The following HSPG2 variants were observed in gnomAD, a reference collection of about 807,000 sequenced individuals.
The protein encoded by HSPG2 is basement membrane-specific heparan sulfate proteoglycan core protein.
Under a neutral mutation model 526.6 loss-of-function variants are expected in HSPG2, and 278 were observed. That is an observed-to-expected ratio of 0.53 (90% CI 0.48 to 0.58). The LOEUF is 0.58. HSPG2 is among the 20% of genes least tolerant of loss of function. The pLI is 0.00. For missense variants in HSPG2, 5,354 were observed against 6,099.5 expected (o/e 0.88, Z 4.07); for synonymous variants, 2,465 against 2,555.4 (o/e 0.96, Z 1.07).
chr1:21,875,580 G>C (rs753733496), intron 25 of HSPG2, 49 bp downstream of exon 25: 1 of 1,416,742 alleles, frequency 7.1e-7, no homozygotes. Context: ...CGCTTAGATG[G>C]AGCCCCTCCC....
chr1:21,888,848 C>G, intron 6 of HSPG2: 1 of 485,970 alleles, frequency 2.1e-6, no homozygotes, highest in Non-Finnish European at 3.3e-6. Context: ...GGGCTGGACC[C>G]CCAGCAGTCT....
intron 1 of HSPG2, chr1:21,908,309 C>G: frequency 2.0e-6 from 2 of 979,466 alleles, no homozygotes; most frequent in Non-Finnish European, 3.3e-6. Context: ...ATCCAGTATG[C>G]TGCTAGCATT....
Position 21,890,764 on chromosome 1 carries a change from A to G in HSPG2, c.245-70T>C. The G allele has an allele frequency of 6.8e-6, 8 of 1,182,650 alleles. No individual in the cohort carries two copies. Among genetic ancestry groups the G allele is most frequent in the Middle Eastern group, 1.9e-4 (1 of 5,134 alleles). 73.3% of individuals were successfully genotyped at this position (1,182,650 alleles called of 1,614,324 possible). A position where few individuals can be genotyped will look rare whatever the true frequency, so the allele number is the denominator to read the frequency against. On this transcript the variant is annotated intron_variant, in intron 3 of 96. Transcript: ENST00000374695. The surrounding 1 kb of genome is among the most constrained non-coding windows in gnomAD (Gnocchi z 4.1). The stretch of plus-strand genomic sequence containing the variant: ...TCTAGTGGCCTTAGGCAGTTGGACC[A>G]TTCAGGCAGAGTTGGGGGGATGGCC...
chr1:21,931,081 A>G (rs1399702414), intron 1 of HSPG2, among the ~76,000 whole-genome samples: 1 of 152,168 alleles, frequency 6.6e-6, no homozygotes, highest in African/African-American at 2.4e-5. Context: ...GATGAGCATC[A>G]TGGAAGGGAA....
chr1:21,933,386 C>A (rs370857430), intron 1 of HSPG2, among the ~76,000 whole-genome samples: 3 of 152,064 alleles, frequency 2.0e-5, no homozygotes, highest in South Asian at 4.1e-4. Flanking sequence ...GCAGGAAACA[C>A]AGGTGAATGG....
At chr1:21,885,482 C>T (rs1262513883) in intron 9 of HSPG2, 31 bp from the exon 10 acceptor site, 1 of 1,612,872 alleles carries the variant, frequency 6.2e-7, no homozygotes, top group South Asian at 1.1e-5. Context: ...TTCCCAATAG[C>T]CCACCCCGTC....
rs2098028649 is a variant in HSPG2, at chr1:21,836,929, T to C, written c.10228A>G (p.Thr3410Ala). Reference sequence around the variant, plus strand: ...TCAACGCTGGCCCCAATGCTCTTGGTCTCTAGCTGAGGCGTGACCTGCACG... The same window carrying C: ...TCAACGCTGGCCCCAATGCTCTTGGCCTCTAGCTGAGGCGTGACCTGCACG... ...PTVQVTPQLE[T>A]KSIGASVEFH... is the part of the protein sequence containing the mutation. Residue 3410 changes from threonine to alanine, a missense_variant, in exon 75 of 97, where the codon ACC becomes GCC. Thr to Ala is a moderately conservative substitution (Grantham distance 58, BLOSUM62 0). Coordinates refer to ENST00000374695, the MANE Select transcript of HSPG2 (RefSeq NM_005529.7). The C allele has an allele frequency of 6.4e-7, 1 of 1,557,844 alleles. No individual in the cohort carries two copies. Among genetic ancestry groups the C allele is most frequent in the African/African-American group, 1.4e-5 (1 of 73,400 alleles).
intron 1 of HSPG2, among the ~76,000 whole-genome samples, chr1:21,935,641 C>T (rs1424064334): frequency 6.6e-6 from 1 of 152,228 alleles, no homozygotes; most frequent in Non-Finnish European, 1.5e-5. Flanking sequence ...GCAAACAACT[C>T]CACCCACCGC....
At position 21,876,287 on chromosome 1, in the gene HSPG2, T is replaced by G; in HGVS notation, c.2945A>C (p.His982Pro). 6.2e-7 allele frequency: 1 copy of G among 1,613,880 alleles called. No individual in the cohort carries two copies. The highest frequency in any genetic ancestry group is 8.5e-7 in the Non-Finnish European group (1 of 1,179,974). Reference sequence around the variant, plus strand: ...GAAGTAGGGTCCAGATAAGAGTCTGTGGAAGGAGGAGAATCCCAGTTCCCC... The same window carrying G: ...GAAGTAGGGTCCAGATAAGAGTCTGGGGAAGGAGGAGAATCCCAGTTCCCC... ...TPGELGFSSF[H>P]RLLSGPYFWS... The change falls in exon 23 of 97, where the codon CAC (histidine) becomes CCC (proline). Residue 982 changes from histidine (H) to proline (P), a missense_variant. His to Pro is a moderately conservative substitution (Grantham distance 77). Transcript: ENST00000374695.
Position 21,849,091 on chromosome 1 carries a change from C to T in HSPG2, c.7447-60G>A, listed in dbSNP as rs1295713980. 20 of 1,579,332 alleles carry T rather than the reference C, an allele frequency of 1.3e-5. No individual in the cohort carries two copies. In the Admixed American group the frequency reaches 3.4e-4, roughly 27 times the overall value. ...GCTGGGCACTGCGGCTCACGCCAAG[C>T]TCCTGTTCCCTTCCCTGGTGCCACT... is the stretch of plus-strand genomic sequence containing the variant. On this transcript the variant is annotated intron_variant, in intron 57 of 96. Transcript: ENST00000374695.
intron 1 of HSPG2, among the ~76,000 whole-genome samples, chr1:21,917,719 T>C (rs906682242): frequency 1.3e-5 from 2 of 152,192 alleles, no homozygotes; most frequent in Admixed American, 1.3e-4. Flanking sequence ...GCTGTTCCCA[T>C]GCCCTTCGAG....
chr1:21,887,264 G>A lies in HSPG2; in HGVS notation c.1029C>T (p.Arg343=), dbSNP rs200275017. 7 of 1,613,944 alleles carry A rather than the reference G, an allele frequency of 4.3e-6. No homozygotes were observed. Among genetic ancestry groups the A allele is most frequent in the Non-Finnish European group, 5.9e-6 (7 of 1,179,942 alleles). Residue 343 remains arginine, a synonymous_variant, in exon 9 of 97, where the codon CGC becomes CGT. Coordinates refer to ENST00000374695, the MANE Select transcript of HSPG2 (RefSeq NM_005529.7). The surrounding 1 kb of genome is among the most constrained non-coding windows in gnomAD (Gnocchi z 5.0). Reference sequence around the variant, plus strand: ...CCTCACAGTCAAAGTCACCATCGCAGCGCCACAGCTTGAGGGCACAATGTC... The same window carrying A: ...CCTCACAGTCAAAGTCACCATCGCAACGCCACAGCTTGAGGGCACAATGTC... ...GNGHCALKLW[R]CDGDFDCEDR...
At chr1:21,932,456 A>G (rs1447881335) in intron 1 of HSPG2, among the ~76,000 whole-genome samples, 2 of 152,222 alleles carry the variant, frequency 1.3e-5, no homozygotes, top group East Asian at 3.8e-4. Context: ...TTCGACAAAG[A>G]TATTCACTAA....
chr1:21,886,338 C>T (rs184752377), intron 9 of HSPG2, among the ~76,000 whole-genome samples: 1 of 151,486 alleles, frequency 6.6e-6, no homozygotes, highest in African/African-American at 2.4e-5. Flanking sequence ...GAAAGGCGTT[C>T]GCAAACTCTG....
In HSPG2 at chr1:21,903,084, T is replaced by C. The variant is rs914614322; in HGVS notation, c.64-6774A>G. Among the ~76,000 whole-genome samples, 4 of 152,228 alleles carry C rather than the reference T, an allele frequency of 2.6e-5. No individual in the cohort carries two copies. The South Asian group carries it at 8.3e-4, about 31-fold the overall frequency. On this transcript the variant is annotated intron_variant, in intron 1 of 96. Transcript: ENST00000374695. The stretch of plus-strand genomic sequence containing the variant: ...GCCCTGAGGTGGAAATTAACCCACC[T>C]GACAGAAGAAAGCTAACTTCAGAAG...
chr1:21,921,802 C>A (rs962865644), intron 1 of HSPG2, among the ~76,000 whole-genome samples: 1 of 152,188 alleles, frequency 6.6e-6, no homozygotes, highest in African/African-American at 2.4e-5. Flanking sequence ...AAAGCTTGGA[C>A]CACCAGCTGT....
intron 33 of HSPG2, chr1:21,868,907 G>A (rs1219298645): frequency 7.1e-6 from 7 of 983,352 alleles, no homozygotes; most frequent in Non-Finnish European, 8.5e-6. Flanking sequence ...GAAGGCCCGG[G>A]GCAGCTGCCA....
chr1:21,851,565 C>T lies in HSPG2; in HGVS notation c.7139G>A (p.Ser2380Asn). The T allele has an allele frequency of 6.2e-7, 1 of 1,614,044 alleles. No individual in the cohort carries two copies. Among genetic ancestry groups the T allele is most frequent in the Non-Finnish European group, 8.5e-7 (1 of 1,180,044 alleles). Residue 2380 changes from serine (S) to asparagine (N), a missense_variant, in exon 55 of 97, where the codon AGC (serine) becomes AAC (asparagine). By Grantham distance (46) the Ser-to-Asn change is conservative. Transcript: ENST00000374695. ...CCATACCTGGTGCCGGACAGGGAGG[C>T]TGCCCCCACGCTTGTGCCACGTGAC... The part of the protein sequence containing the change: ...AQVTWHKRGG[S>N]LPVRHQTHGS...
intron 77 of HSPG2, 128 bp from the exon 78 acceptor site, chr1:21,834,053 G>A: frequency 1.3e-6 from 1 of 751,754 alleles, no homozygotes; most frequent in East Asian, 2.7e-5. Flanking sequence ...TTTCACAGAT[G>A]AGGAAATTAT....
Sources: allele counts gnomAD v4.1 joint callset (sites outside exome capture counted in the v4.1 genomes callset), GRCh38; gene constraint gnomAD v4.1.1; non-coding constraint Gnocchi (gnomAD v3.1); transcripts MANE v1.5; gene names NCBI Gene and HGNC (gene_info 2026-07-23, HGNC 2026-07-21).